The following PAQR3 variants were observed in gnomAD, a reference collection of about 807,000 sequenced individuals.
The protein encoded by PAQR3 is progestin and adipoQ receptor family member 3.
Under a neutral mutation model 41.7 loss-of-function variants are expected in PAQR3, and 39 were observed. That is an observed-to-expected ratio of 0.93 (90% confidence interval 0.72 to 1.22). The LOEUF is 1.22. PAQR3 is among the 50% of genes most tolerant of loss of function. The pLI is 0.00. For synonymous variants in PAQR3, 140 were observed against 140.6 expected (o/e 1.00, Z 0.03); for missense variants, 366 against 385.6 (o/e 0.95, Z 0.42).
intron 11 of PAQR3, among the ~76,000 whole-genome samples, chr4:78,897,179 A>C (rs2110088223): frequency 6.8e-6 from 1 of 147,866 alleles, no homozygotes; most frequent in Middle Eastern, 3.4e-3. Context: ...AGAGCAGCTT[A>C]AGAAAATGTT....
chr4:78,917,107 A>G lies in PAQR3; in HGVS notation c.*3432T>C, dbSNP rs938684809. On this transcript the variant is annotated 3_prime_UTR_variant, in exon 6 of 6. Coordinates refer to ENST00000512733, the MANE Select transcript of PAQR3 (RefSeq NM_001040202.2). The stretch of plus-strand genomic sequence containing the variant: ...AGTGTATTACTGTTCAAATTCAGTT[A>G]TAGTTACTTGAGATGAATATATGCT... 4 of 152,020 alleles carry G rather than the reference A, an allele frequency of 2.6e-5. No individual in the cohort carries two copies. Among genetic ancestry groups the G allele is most frequent in the African/African-American group, 7.2e-5 (3 of 41,434 alleles). 9.4% of individuals were successfully genotyped at this position (152,020 alleles called of 1,614,324 possible). A position where few individuals can be genotyped will look rare whatever the true frequency, so the allele number is the denominator to read the frequency against.
rs1026375665 is a variant in PAQR3, at chr4:78,918,544, G to A, written c.*1995C>T. The A allele has an allele frequency of 3.1e-5, 30 of 975,950 alleles. No homozygotes were observed. Among genetic ancestry groups the A allele is most frequent in the Non-Finnish European group, 3.7e-5 (30 of 821,072 alleles). The allele number at this position is 975,950 out of a possible 1,614,324, so 60.5% of individuals were successfully genotyped here. ...TCATACAGAGTTGAAATGTTTACAT[G>A]GAATAATTTTCCCTACAGAAAGACC... On this transcript the variant is annotated 3_prime_UTR_variant, in exon 6 of 6. Coordinates refer to ENST00000512733, the MANE Select transcript of PAQR3 (RefSeq NM_001040202.2).
intron 11 of PAQR3, among the ~76,000 whole-genome samples, chr4:78,895,109 G>C (rs762353973): frequency 1.3e-5 from 2 of 152,128 alleles, no homozygotes; most frequent in Non-Finnish European, 2.9e-5. Context: ...TAATGAAAAA[G>C]TTTTAAATAT....
chr4:78,906,061 A>T (rs1016090002), intron 11 of PAQR3: 1 of 152,058 alleles, frequency 6.6e-6, no homozygotes, highest in Non-Finnish European at 1.5e-5. Flanking sequence ...CTGTAGTTTC[A>T]TGATGAATAG....
downstream of PAQR3, chr4:78,910,595 T>C: frequency 6.7e-7 from 1 of 1,492,506 alleles, no homozygotes; most frequent in Non-Finnish European, 8.9e-7. Context: ...TAATAATATT[T>C]ATTTGAACTT....
At chr4:78,903,239 T>G (rs1375282452) in intron 11 of PAQR3, among the ~76,000 whole-genome samples, 1 of 152,082 alleles carries the variant, frequency 6.6e-6, no homozygotes, top group Non-Finnish European at 1.5e-5. Context: ...TGTATTTATT[T>G]GGTGAATATA....
At chr4:78,930,069 ATAAGT>A in intron 3 of PAQR3, 96 bp downstream of exon 3, 1 of 1,161,954 alleles carries the variant, frequency 8.6e-7, no homozygotes, top group Non-Finnish European at 1.2e-6. Context: ...TATTTAGTCT[ATAAGT>A]TAATTATGTA....
chr4:78,898,241 C>T (rs564234488), intron 11 of PAQR3, among the ~76,000 whole-genome samples: 1 of 152,192 alleles, frequency 6.6e-6, no homozygotes, highest in African/African-American at 2.4e-5. Flanking sequence ...GCTTTATTAT[C>T]TAATAGGAAG....
chr4:78,926,825 T>A lies in PAQR3; in HGVS notation c.505-107A>T. ...AATTCCAAAGTCTATTTACTTGGTATTTGCATTTCAAAATAGGATTATCTC... is the reference window on the plus strand; with the variant it reads ...AATTCCAAAGTCTATTTACTTGGTAATTGCATTTCAAAATAGGATTATCTC... On this transcript the variant is annotated intron_variant, in intron 3 of 5. Coordinates refer to ENST00000512733, the MANE Select transcript of PAQR3 (RefSeq NM_001040202.2). The A allele has an allele frequency of 3.2e-6, 3 of 938,794 alleles. No individual in the cohort carries two copies. In the South Asian group the frequency reaches 4.6e-5, roughly 15 times the overall value. The allele number at this position is 938,794 out of a possible 1,614,324, so 58.2% of individuals were successfully genotyped here. A position where few individuals can be genotyped will look rare whatever the true frequency, so the allele number is the denominator to read the frequency against.
Position 78,915,050 on chromosome 4 carries a change from T to C in PAQR3, c.*5489A>G, listed in dbSNP as rs1470587715. ...CACAAAAATTGCATGGTAAGTATAA[T>C]AGGTGGAGGAGGAAAGGTTGTAGGC... On this transcript the variant is annotated 3_prime_UTR_variant, in exon 6 of 6. Transcript: ENST00000512733. 1 of 152,004 alleles carries C rather than the reference T, an allele frequency of 6.6e-6. No individual in the cohort carries two copies. The highest frequency in any genetic ancestry group is 1.5e-5 in the Non-Finnish European group (1 of 67,940). The allele number at this position is 152,004 out of a possible 1,614,324, so 9.4% of individuals were successfully genotyped here.
intron 4 of PAQR3, among the ~76,000 whole-genome samples, chr4:78,925,956 C>T (rs1041666900): frequency 2.0e-5 from 3 of 152,092 alleles, no homozygotes; most frequent in Non-Finnish European, 2.9e-5. Context: ...ATATATTCTC[C>T]TTGGTGGATT....
At chr4:78,938,503 T>C (rs1477118519) in intron 1 of PAQR3, among the ~76,000 whole-genome samples, 3 of 152,226 alleles carry the variant, frequency 2.0e-5, no homozygotes, top group Admixed American at 6.5e-5. Flanking sequence ...ATTATCTATT[T>C]AATGTCTGTT....
intron 4 of PAQR3, among the ~76,000 whole-genome samples, chr4:78,926,243 A>G (rs1736207930): frequency 6.6e-6 from 1 of 152,292 alleles, no homozygotes; most frequent in Admixed American, 6.5e-5. Flanking sequence ...ACAAATAAGG[A>G]CTTGGGTATT....
chr4:78,887,571 T>C (rs1733166277), intron 12 of PAQR3, among the ~76,000 whole-genome samples: 1 of 152,222 alleles, frequency 6.6e-6, no homozygotes, highest in African/African-American at 2.4e-5. Context: ...AAAGATATTT[T>C]TATACTTGGC....
downstream of PAQR3, chr4:78,910,506 G>A (rs781356314): frequency 2.3e-5 from 22 of 965,626 alleles, no homozygotes; most frequent in Admixed American, 6.7e-5. Context: ...AAGGGAACTC[G>A]TATGAGGGAT....
intron 3 of PAQR3, among the ~76,000 whole-genome samples, chr4:78,927,709 A>C (rs1362810536): frequency 6.6e-6 from 1 of 152,234 alleles, no homozygotes. Context: ...AAGAACACAC[A>C]CTTCGCTTAG....
At chr4:78,900,107 CTCT>C (rs1733915963) in intron 11 of PAQR3, among the ~76,000 whole-genome samples, 2 of 152,172 alleles carry the variant, frequency 1.3e-5, no homozygotes, top group Non-Finnish European at 2.9e-5. Context: ...AGAACAACCC[CTCT>C]TCTTTGCTCC....
At chr4:78,904,281 G>A (rs911093929) in intron 11 of PAQR3, among the ~76,000 whole-genome samples, 3 of 151,646 alleles carry the variant, frequency 2.0e-5, no homozygotes, top group Non-Finnish European at 3.0e-5. Flanking sequence ...AGCATTTTTT[G>A]CCCTAAAATG....
chr4:78,907,048 G>A (rs1327993866), downstream of PAQR3, among the ~76,000 whole-genome samples: 1 of 152,032 alleles, frequency 6.6e-6, no homozygotes, highest in African/African-American at 2.4e-5. Flanking sequence ...AAAAGTGCAT[G>A]AATCATGGTT....
Sources: allele counts gnomAD v4.1 joint callset (sites outside exome capture counted in the v4.1 genomes callset), GRCh38; gene constraint gnomAD v4.1.1; transcripts MANE v1.5; gene names NCBI Gene and HGNC (gene_info 2026-07-23, HGNC 2026-07-21).